Variants in ZNF280D observed in about 807,000 individuals in gnomAD.
ZNF280D encodes zinc finger protein 280D.
ZNF280D carries 39 observed loss-of-function variants against 94.7 expected under a neutral mutation model. The ratio of observed to expected loss-of-function variants is 0.41; its 90% CI spans 0.32 to 0.54. ZNF280D has a LOEUF of 0.54. ZNF280D is among the 20% of genes least tolerant of loss of function. The probability of loss-of-function intolerance (pLI) is 0.22; values close to 1 mark genes in which losing one functional copy is unlikely to be tolerated. For synonymous variants in ZNF280D, 398 were observed against 377.6 expected, an observed-to-expected ratio of 1.05 and a Z score of -0.63; for missense variants, 1,090 against 1,149.3, an observed-to-expected ratio of 0.95 and a Z score of 0.75.
chr15:56,644,048 G>A (rs2140568565), intron 19 of ZNF280D, among the ~76,000 whole-genome samples: 1 of 152,048 alleles, frequency 6.6e-6, no homozygotes, highest in East Asian at 1.9e-4. Context: ...TTTATACTTT[G>A]TTAAACATTA....
chr15:56,699,663 T>C (rs112014425), intron 6 of ZNF280D: 7 of 826,220 alleles, frequency 8.5e-6, no homozygotes, highest in Non-Finnish European at 8.8e-6. Flanking sequence ...CATTCTTTCA[T>C]GTAACAACAA....
chr15:56,715,631 G>C (rs765689434), intron 1 of ZNF280D, among the ~76,000 whole-genome samples: 4 of 151,588 alleles, frequency 2.6e-5, no homozygotes, highest in Non-Finnish European at 4.4e-5. Flanking sequence ...AACAAATGAA[G>C]GAATATGTTA....
chr15:56,727,047 A>G (rs1371256285), intron 1 of ZNF280D, among the ~76,000 whole-genome samples: 1 of 152,240 alleles, frequency 6.6e-6, no homozygotes, highest in Admixed American at 6.5e-5. Flanking sequence ...AACCATGGGA[A>G]AGTGACTAGA....
intron 19 of ZNF280D, among the ~76,000 whole-genome samples, chr15:56,645,986 A>G (rs2052867951): frequency 6.6e-6 from 1 of 152,196 alleles, no homozygotes; most frequent in Non-Finnish European, 1.5e-5. Context: ...GCTAGGCCAC[A>G]TTCTTTCTTT....
intron 13 of ZNF280D, among the ~76,000 whole-genome samples, chr15:56,671,122 G>A (rs1455731018): frequency 6.6e-6 from 1 of 152,056 alleles, no homozygotes; most frequent in Non-Finnish European, 1.5e-5. Flanking sequence ...CATTCTGTAA[G>A]TTGTCTGCTT....
intron 21 of ZNF280D, chr15:56,633,924 AT>A (rs1264187007): frequency 6.6e-6 from 1 of 152,166 alleles, no homozygotes; most frequent in Non-Finnish European, 1.5e-5. Flanking sequence ...TCATAATTTA[AT>A]TTGTAAAATA....
intron 19 of ZNF280D, chr15:56,653,108 C>G: frequency 1.0e-6 from 1 of 990,612 alleles, no homozygotes; most frequent in Non-Finnish European, 1.2e-6. Context: ...GTAAAAATAA[C>G]TGCAATTTTG....
intron 9 of ZNF280D, among the ~76,000 whole-genome samples, chr15:56,685,825 AG>A (rs1267912518): frequency 6.6e-6 from 1 of 152,170 alleles, no homozygotes; most frequent in East Asian, 1.9e-4. Context: ...AAAGAGAGAA[AG>A]AAAAATTTTA....
intron 17 of ZNF280D, 127 bp downstream of exon 17, chr15:56,658,297 C>G (rs2053680190): frequency 1.5e-6 from 1 of 675,598 alleles, no homozygotes; most frequent in African/African-American, 1.9e-5. Flanking sequence ...CTGTGAATAT[C>G]CTAAAACCTA....
At chr15:56,676,497 A>T (rs1656958307) in intron 13 of ZNF280D, among the ~76,000 whole-genome samples, 173 bp downstream of exon 13, 1 of 152,130 alleles carries the variant, frequency 6.6e-6, no homozygotes, top group African/African-American at 2.4e-5. Context: ...CCAGAAAGGA[A>T]GTAAGGAAAA....
intron 1 of ZNF280D, among the ~76,000 whole-genome samples, chr15:56,709,924 G>C (rs981082818): frequency 4.6e-5 from 7 of 152,086 alleles, no homozygotes; most frequent in Admixed American, 2.0e-4. Flanking sequence ...GAGTTAATGG[G>C]TGCAGCACAC....
At chr15:56,705,936 A>C (rs1452198940) in intron 3 of ZNF280D, among the ~76,000 whole-genome samples, 1 of 151,114 alleles carries the variant, frequency 6.6e-6, no homozygotes, top group Admixed American at 6.6e-5. Flanking sequence ...GTAATAACAA[A>C]AGTATTATTT....
chr15:56,729,900 TGTA>T (rs2058803777), intron 1 of ZNF280D: 1 of 152,244 alleles, frequency 6.6e-6, no homozygotes, highest in Admixed American at 6.5e-5. Context: ...GTATATTTGT[TGTA>T]GGAGTGTTAT....
At chr15:56,693,668 A>T (rs2056556320) in intron 6 of ZNF280D, among the ~76,000 whole-genome samples, 1 of 152,164 alleles carries the variant, frequency 6.6e-6, no homozygotes. Flanking sequence ...AGGAGAAAAA[A>T]AAAACCATAT....
At chr15:56,668,297 A>T (rs1414352060) in intron 14 of ZNF280D, 1 of 377,756 alleles carries the variant, frequency 2.6e-6, no homozygotes, top group African/African-American at 2.2e-5. Context: ...AGGGAAAAGT[A>T]AATTACAATC....
chr15:56,719,289 G>A (rs978787574), intron 1 of ZNF280D, among the ~76,000 whole-genome samples: 2 of 151,732 alleles, frequency 1.3e-5, no homozygotes, highest in Non-Finnish European at 2.9e-5. Flanking sequence ...ACGGTAATGA[G>A]TGAGTTTTCA....
intron 11 of ZNF280D, among the ~76,000 whole-genome samples, chr15:56,677,913 TTAAG>T (rs1363128376): frequency 3.3e-5 from 5 of 152,174 alleles, no homozygotes; most frequent in Admixed American, 6.6e-5. Flanking sequence ...TATTCAAGTA[TTAAG>T]TAACGTGGCT....
intron 16 of ZNF280D, among the ~76,000 whole-genome samples, chr15:56,663,748 G>A (rs990668791): frequency 6.6e-6 from 1 of 152,024 alleles, no homozygotes; most frequent in African/African-American, 2.4e-5. Context: ...ACAAAGAAAT[G>A]ATAAATGTAG....
At chr15:56,676,373 T>C (rs536149902) in intron 13 of ZNF280D, among the ~76,000 whole-genome samples, 1 of 152,302 alleles carries the variant, frequency 6.6e-6, no homozygotes, top group African/African-American at 2.4e-5. Context: ...CTTTAGACCC[T>C]GAAATATTCA....
Sources: allele counts gnomAD v4.1 joint callset (sites outside exome capture counted in the v4.1 genomes callset), GRCh38; gene constraint gnomAD v4.1.1; transcripts MANE v1.5; gene names NCBI Gene and HGNC (gene_info 2026-07-23, HGNC 2026-07-21).